Variants in LAMA2 observed in about 807,000 individuals in gnomAD.
LAMA2 encodes laminin subunit alpha-2.
A neutral mutation model predicts 364.8 loss-of-function variants in LAMA2; 269 were observed. That is an observed-to-expected ratio of 0.74 (90% CI 0.67 to 0.82). LAMA2 has a LOEUF of 0.82. Among genes scored for constraint, LAMA2 ranks in the 40% least tolerant of loss-of-function variants. LAMA2 has a pLI of 0.00. For missense variants in LAMA2, 3,807 were observed against 3,873.2 expected (o/e 0.98, Z 0.45); for synonymous variants, 1,379 against 1,370.6 (o/e 1.01, Z -0.14).
intron 1 of LAMA2, among the ~76,000 whole-genome samples, chr6:128,985,130 G>A (rs142657708): frequency 3.3e-5 from 5 of 152,202 alleles, no homozygotes; most frequent in Non-Finnish European, 7.4e-5. Context: ...TGCCCATGAT[G>A]TGCATGGTCC....
In LAMA2 at chr6:129,463,319, A is replaced by G. The variant is rs577830095; in HGVS notation, c.6993-971A>G. ...GAATAGGATAACTCTATTCTATTCT[A>G]TGTCGAAATATTATAGAGTGTACCT... On this transcript the variant is annotated intron_variant, in intron 49 of 64. Coordinates refer to ENST00000421865, the MANE Select transcript of LAMA2 (RefSeq NM_000426.4). 5.3e-5 allele frequency among the ~76,000 whole-genome samples: 8 copies of G among 152,168 alleles called. No individual in the cohort carries two copies. In the East Asian group the frequency reaches 9.7e-4, roughly 18 times the overall value.
chr6:129,255,957 ACTACCTCCCAATG>A (rs550132149), intron 14 of LAMA2, among the ~76,000 whole-genome samples: 1 of 152,282 alleles, frequency 6.6e-6, no homozygotes, highest in Admixed American at 6.5e-5. Context: ...ATTATCTTTG[ACTACCTCCCAATG>A]CTATTCCATA....
intron 1 of LAMA2, among the ~76,000 whole-genome samples, chr6:129,015,345 A>G (rs1785004884): frequency 6.6e-6 from 1 of 152,092 alleles, no homozygotes; most frequent in Non-Finnish European, 1.5e-5. Context: ...GAGCAAGAAA[A>G]GGAGCCCTCA....
intron 1 of LAMA2, among the ~76,000 whole-genome samples, chr6:128,988,995 A>C (rs1307246208): frequency 6.6e-6 from 1 of 152,198 alleles, no homozygotes; most frequent in Non-Finnish European, 1.5e-5. Flanking sequence ...TCCTGTAAAG[A>C]ATGGCAATGT....
chr6:129,142,823 G>A (rs1431286798), intron 4 of LAMA2, among the ~76,000 whole-genome samples: 2 of 151,990 alleles, frequency 1.3e-5, no homozygotes, highest in African/African-American at 4.8e-5. Flanking sequence ...AAGTTTATCA[G>A]TGTGTTTTTA....
chr6:128,912,835 C>A (rs1353170160), intron 1 of LAMA2, among the ~76,000 whole-genome samples: 1 of 152,114 alleles, frequency 6.6e-6, no homozygotes, highest in African/African-American at 2.4e-5. Context: ...AGGAACAGGG[C>A]AGTTTCACAG....
intron 33 of LAMA2, among the ~76,000 whole-genome samples, chr6:129,368,813 T>C (rs947431287): frequency 2.0e-5 from 3 of 152,208 alleles, no homozygotes; most frequent in Non-Finnish European, 4.4e-5. Context: ...AGGATCACCT[T>C]CTGGTATTAT....
intron 45 of LAMA2, among the ~76,000 whole-genome samples, chr6:129,451,448 G>A (rs565462975): frequency 6.6e-6 from 1 of 152,192 alleles, no homozygotes; most frequent in East Asian, 1.9e-4. Flanking sequence ...TAAGCAGTAG[G>A]CTTCCTGGAA....
chr6:128,993,286 A>G (rs1783718959), intron 1 of LAMA2, among the ~76,000 whole-genome samples: 1 of 152,262 alleles, frequency 6.6e-6, no homozygotes, highest in Non-Finnish European at 1.5e-5. Flanking sequence ...CATAATGTTT[A>G]TAGATACTGA....
Position 129,383,221 on chromosome 6 carries a change from C to G in LAMA2, c.5059C>G (p.Arg1687Gly). 2 of 1,611,442 alleles carry G rather than the reference C, an allele frequency of 1.2e-6. No individual in the cohort carries two copies. The highest frequency in any genetic ancestry group is 1.7e-6 in the Non-Finnish European group (2 of 1,178,152). ...SLGEFIKELA[R>G]DAEAVNEKAI... ...GGGAGAATTCATTAAGGAGCTTGCC[C>G]GGGATGCAGAAGGTATTAGAAAGAA... The change falls in exon 35 of 65, where the codon CGG (arginine) becomes GGG (glycine). Residue 1687 changes from arginine (R) to glycine (G), a missense_variant. By Grantham distance (125) the Arg-to-Gly change is moderately radical. Transcript: ENST00000421865.
intron 37 of LAMA2, among the ~76,000 whole-genome samples, chr6:129,398,663 G>A (rs772671644): frequency 3.3e-5 from 5 of 151,756 alleles, no homozygotes; most frequent in African/African-American, 9.7e-5. Flanking sequence ...TAGTAGAGAC[G>A]AGGTTTCACC....
rs114763004 is a variant in LAMA2 at position 129,458,080 on chromosome 6, T to C, written c.6867+1586T>C. Reference sequence around the variant, plus strand: ...GGCAGATACTAATATTCTCATTCTGTAGTTAAGGAATCTGAAGAAGAGAGA... The same window carrying C: ...GGCAGATACTAATATTCTCATTCTGCAGTTAAGGAATCTGAAGAAGAGAGA... On this transcript the variant is annotated intron_variant, in intron 48 of 64. Coordinates refer to ENST00000421865, the MANE Select transcript of LAMA2 (RefSeq NM_000426.4). 2.7e-3 allele frequency among the ~76,000 whole-genome samples: 416 copies of C among 152,176 alleles called. 2 individuals carry two copies. Among genetic ancestry groups the C allele is most frequent in the African/African-American group, 9.4e-3 (389 of 41,532 alleles).
intron 1 of LAMA2, among the ~76,000 whole-genome samples, chr6:128,915,309 T>C (rs965147231): frequency 1.3e-5 from 2 of 152,324 alleles, no homozygotes; most frequent in East Asian, 3.9e-4. Flanking sequence ...TACATACACA[T>C]ACGAATTTTC....
At chr6:129,396,939 G>A (rs1779672984) in intron 37 of LAMA2, among the ~76,000 whole-genome samples, 1 of 148,950 alleles carries the variant, frequency 6.7e-6, no homozygotes, top group Non-Finnish European at 1.5e-5. Flanking sequence ...TCATGCCACA[G>A]CACTCCAGCC....
At chr6:129,399,459 A>G (rs1231261078) in intron 37 of LAMA2, among the ~76,000 whole-genome samples, 3 of 152,206 alleles carry the variant, frequency 2.0e-5, no homozygotes, top group Non-Finnish European at 2.9e-5. Context: ...TGGGCTGCAC[A>G]TTGAGTAGGG....
intron 1 of LAMA2, chr6:128,930,087 A>C (rs1779368344): frequency 3.0e-6 from 1 of 337,740 alleles, no homozygotes. Context: ...GGTCTCAATC[A>C]GCAGCCCACA....
intron 21 of LAMA2, among the ~76,000 whole-genome samples, chr6:129,298,251 G>C (rs1235978351): frequency 1.9e-5 from 2 of 105,978 alleles, no homozygotes; most frequent in African/African-American, 7.8e-5. Context: ...TTTTCCTATT[G>C]CAAAATTGGT....
rs143024246 is a variant in LAMA2 at position 129,465,042 on chromosome 6, G to A, written c.7156-103G>A. 106 of 902,180 alleles carry A rather than the reference G, an allele frequency of 1.2e-4. 1 individual carries two copies. The East Asian group carries it at 2.5e-3, about 21-fold the overall frequency. 55.9% of individuals were successfully genotyped at this position (902,180 alleles called of 1,614,324 possible). The stretch of plus-strand genomic sequence containing the variant: ...TTTCTGCAACAGAGTGACATATTCA[G>A]CAATTTAGCCACAAGACCCTAACAT... On this transcript the variant is annotated intron_variant, in intron 50 of 64. Transcript: ENST00000421865.
At chr6:129,032,292 C>T (rs890464166) in intron 1 of LAMA2, among the ~76,000 whole-genome samples, 4 of 152,188 alleles carry the variant, frequency 2.6e-5, no homozygotes, top group Non-Finnish European at 4.4e-5. Context: ...AAAATTATAC[C>T]TTGTAATCAG....
Sources: allele counts gnomAD v4.1 joint callset (sites outside exome capture counted in the v4.1 genomes callset), GRCh38; gene constraint gnomAD v4.1.1; transcripts MANE v1.5; gene names NCBI Gene and HGNC (gene_info 2026-07-23, HGNC 2026-07-21).